Variants in DLG1 observed in about 807,000 individuals in gnomAD.
The protein encoded by DLG1 is discs large MAGUK scaffold protein 1.
In DLG1, 42 loss-of-function variants were observed where a neutral mutation model predicts 123.4. The ratio of observed to expected loss-of-function variants is 0.34; its 90% confidence interval spans 0.27 to 0.44. The LOEUF (loss-of-function observed/expected upper bound fraction) is 0.44, where lower values mean the gene tolerates loss of function less well. Among genes scored for constraint, DLG1 ranks in the 20% least tolerant of loss-of-function variants. The pLI is 1.00. For missense variants in DLG1, 942 were observed against 1,082.6 expected (o/e 0.87, Z 1.82); for synonymous variants, 317 against 356.2 (o/e 0.89, Z 1.24).
chr3:197,164,574 AGGT>A (rs376135107), intron 5 of DLG1, among the ~76,000 whole-genome samples: 190 of 152,148 alleles, frequency 1.2e-3, no homozygotes, highest in African/African-American at 4.4e-3. Context: ...AAATACCCAA[AGGT>A]GTCAGAATTG....
At position 197,267,061 on chromosome 3, in the gene DLG1, G is replaced by A. The variant is rs73210573; in HGVS notation, c.318+15618C>T. The stretch of plus-strand genomic sequence containing the variant: ...AATTCAAGACAGAGGTTAATTCTGG[G>A]GAACAAGGCAGGAGAACGTGATTAC... On this transcript the variant is annotated intron_variant, in intron 4 of 24. Transcript: ENST00000667157. Among the ~76,000 whole-genome samples, 551 of 152,190 alleles carry A rather than the reference G, an allele frequency of 3.6e-3. 4 individuals carry two copies. The highest frequency in any genetic ancestry group is 5.6e-3 in the Non-Finnish European group (384 of 68,000).
chr3:197,127,356 G>A (rs1272984649), intron 11 of DLG1, among the ~76,000 whole-genome samples: 1 of 142,852 alleles, frequency 7.0e-6, no homozygotes, highest in African/African-American at 2.6e-5. Context: ...CTGGGAGGCG[G>A]AGGTTGCAGT....
chr3:197,191,498 C>T (rs1201850218), intron 5 of DLG1, among the ~76,000 whole-genome samples: 1 of 152,140 alleles, frequency 6.6e-6, no homozygotes, highest in Admixed American at 6.5e-5. Context: ...AAAATACCTA[C>T]CAAAAGACCA....
intron 17 of DLG1, among the ~76,000 whole-genome samples, chr3:197,079,187 C>T (rs375150581): frequency 3.3e-5 from 5 of 152,184 alleles, no homozygotes; most frequent in South Asian, 4.1e-4. Flanking sequence ...AATGCTATAT[C>T]GCAAGAGAGA....
At chr3:197,161,699 C>A in intron 5 of DLG1, 1 of 1,578,110 alleles carries the variant, frequency 6.3e-7, no homozygotes, top group Admixed American at 1.9e-5. Flanking sequence ...ACAGGGATCA[C>A]AGGGACAGTG....
chr3:197,143,627 T>C (rs1301334163), intron 6 of DLG1, among the ~76,000 whole-genome samples: 1 of 152,156 alleles, frequency 6.6e-6, no homozygotes, highest in African/African-American at 2.4e-5. Flanking sequence ...CCTAGAAATA[T>C]CCAAACTCTA....
Sources: gnomAD v4.1 joint callset for allele counts (sites outside exome capture counted in the v4.1 genomes callset) on GRCh38, gnomAD v4.1.1 for gene constraint, MANE v1.5 for transcripts, NCBI Gene and HGNC (gene_info 2026-07-23, HGNC 2026-07-21) for gene names.